Variants in RAB3GAP2 observed in about 807,000 individuals in gnomAD.
RAB3GAP2 encodes the protein RAB3 GTPase activating non-catalytic protein subunit 2, also known as rab3 GTPase-activating protein non-catalytic subunit.
RAB3GAP2 carries 87 observed loss-of-function variants against 185.3 expected under a neutral mutation model. The ratio of observed to expected loss-of-function variants is 0.47; its 90% CI spans 0.39 to 0.56. RAB3GAP2 has a LOEUF of 0.56. Among genes scored for constraint, RAB3GAP2 ranks in the 20% least tolerant of loss-of-function variants. The pLI, the probability that RAB3GAP2 is intolerant of heterozygous loss-of-function variation, is 0.00. For synonymous variants in RAB3GAP2, 554 were observed against 576.1 expected (o/e 0.96, Z 0.55); for missense variants, 1,492 against 1,638.2 (o/e 0.91, Z 1.54).
intron 26 of RAB3GAP2, 85 bp downstream of exon 26, chr1:220,167,207 TA>T: frequency 8.4e-7 from 1 of 1,184,058 alleles, no homozygotes; most frequent in Non-Finnish European, 1.2e-6. Flanking sequence ...GTGTTTATAA[TA>T]AGCTATTTAA....
intron 1 of RAB3GAP2, chr1:220,266,687 C>T: frequency 1.9e-6 from 3 of 1,553,654 alleles, no homozygotes; most frequent in Non-Finnish European, 2.7e-6. Context: ...TCAAGGATTT[C>T]TCCCCCTGCA....
chr1:220,177,258 A>T (rs1442514740), intron 21 of RAB3GAP2, among the ~76,000 whole-genome samples: 1 of 152,232 alleles, frequency 6.6e-6, no homozygotes, highest in Non-Finnish European at 1.5e-5. Flanking sequence ...GCTTAGAGTG[A>T]TGTCAAGTGT....
Position 220,203,510 on chromosome 1 carries a change from C to T in RAB3GAP2, c.713-1136G>A, listed in dbSNP as rs1254734900. Among the ~76,000 whole-genome samples the T allele has an allele frequency of 3.9e-5, 6 of 152,268 alleles. No individual in the cohort carries two copies. The East Asian group carries it at 1.2e-3, about 29-fold the overall frequency. On this transcript the variant is annotated intron_variant, in intron 8 of 34. Coordinates refer to ENST00000358951, the MANE Select transcript of RAB3GAP2 (RefSeq NM_012414.4). ...TTTATAGCAACTTACAACCCAAGGG[C>T]ACTAAGTGGCTTAATTCCTTACTTC...
chr1:220,256,149 C>A (rs2102527719), intron 1 of RAB3GAP2, among the ~76,000 whole-genome samples: 1 of 152,302 alleles, frequency 6.6e-6, no homozygotes, highest in South Asian at 2.1e-4. Context: ...TCATACCTGG[C>A]TAAGCTAAGC....
At chr1:220,212,818 C>G in intron 4 of RAB3GAP2, 69 bp downstream of exon 4, 1 of 1,265,142 alleles carries the variant, frequency 7.9e-7, no homozygotes, top group East Asian at 2.3e-5. Context: ...TTAATAGATT[C>G]ACCTACAAGT....
At chr1:220,256,550 CA>C (rs1660035013) in intron 1 of RAB3GAP2, among the ~76,000 whole-genome samples, 1 of 152,158 alleles carries the variant, frequency 6.6e-6, no homozygotes, top group South Asian at 2.1e-4. Context: ...GAAAATTTAC[CA>C]AGCAAATGGA....
chr1:220,249,739 T>C (rs1373044715), intron 1 of RAB3GAP2, among the ~76,000 whole-genome samples: 1 of 152,180 alleles, frequency 6.6e-6, no homozygotes, highest in East Asian at 1.9e-4. Context: ...TGTGCAGTCT[T>C]GGGACTTGAT....
At position 220,195,098 on chromosome 1, in the gene RAB3GAP2, T is replaced by C; in HGVS notation, c.1110A>G (p.Pro370=). The change falls in exon 12 of 35, where the codon CCA becomes CCG. Residue 370 remains proline (P), a synonymous_variant. Transcript: ENST00000358951. ...AVQKQKPKVE[P]ATPLAVRFGL... is the part of the protein sequence containing the mutation. ...CTTGCCTTACAGCTAATGGGGTAGC[T>C]GGCTCAACCTTCGGCTTTTGCTTTT... 6.2e-7 allele frequency: 1 copy of C among 1,614,164 alleles called. No individual in the cohort carries two copies.
At chr1:220,185,607 TTTGAG>T in intron 18 of RAB3GAP2, 39 bp downstream of exon 18, 3 of 1,449,434 alleles carry the variant, frequency 2.1e-6, no homozygotes, top group Non-Finnish European at 1.9e-6. Flanking sequence ...AGTTACAAAA[TTTGAG>T]TTAAGAACAT....
chr1:220,185,731 C>T lies in RAB3GAP2; in HGVS notation c.1790G>A (p.Ser597Asn). 1 of 1,611,000 alleles carries T rather than the reference C, an allele frequency of 6.2e-7. No homozygotes were observed. The highest frequency in any genetic ancestry group is 8.5e-7 in the Non-Finnish European group (1 of 1,177,612). The stretch of plus-strand genomic sequence containing the variant: ...TGGTAAACGTTCACTTGCCAAAATG[C>T]TTTCCAAAGCCTAGGAGAAAGATAT... ...YPATKKQALE[S>N]ILASERLPFS... Residue 597 changes from serine to asparagine, a missense_variant, in exon 18 of 35, where the codon AGC (serine) becomes AAC (asparagine). Coordinates refer to ENST00000358951, the MANE Select transcript of RAB3GAP2 (RefSeq NM_012414.4).
Position 220,189,673 on chromosome 1 carries a change from C to T in RAB3GAP2, c.1779+30G>A, listed in dbSNP as rs367900882. On this transcript the variant is annotated intron_variant, in intron 17 of 34. Transcript: ENST00000358951. ...AAGAAGGATGTATTATAGCTACTAG[C>T]AGGAAAGTTCGTGTATTATATACAC... 4 of 1,542,322 alleles carry T rather than the reference C, an allele frequency of 2.6e-6. No individual in the cohort carries two copies. In the African/African-American group the frequency reaches 5.5e-5, roughly 21 times the overall value.
At chr1:220,202,468 A>C in intron 8 of RAB3GAP2, 94 bp from the exon 9 acceptor site, 1 of 1,278,004 alleles carries the variant, frequency 7.8e-7, no homozygotes, top group East Asian at 2.4e-5. Flanking sequence ...GTTATTCTAA[A>C]ATTTCAGCTA....
At chr1:220,258,115 A>C (rs998404868) in intron 1 of RAB3GAP2, among the ~76,000 whole-genome samples, 3 of 152,160 alleles carry the variant, frequency 2.0e-5, no homozygotes, top group African/African-American at 7.2e-5. Flanking sequence ...AACCAAAAAG[A>C]AAGCCCAGGA....
chr1:220,167,533 T>C lies in RAB3GAP2; in HGVS notation c.2949A>G (p.Ser983=), dbSNP rs778469595. The C allele has an allele frequency of 1.2e-5, 19 of 1,614,072 alleles. No individual in the cohort carries two copies. The highest frequency in any genetic ancestry group is 1.7e-5 in the Admixed American group (1 of 60,004). Reference sequence around the variant, plus strand: ...TGGCTCCTAAGTCCATCTCCATCTCTGATACCTCAAGGAAACTTCTGTTAA... The same window carrying C: ...TGGCTCCTAAGTCCATCTCCATCTCCGATACCTCAAGGAAACTTCTGTTAA... ...EGVNRSFLEV[S]EMEMDLGAIP... is the part of the protein sequence containing the mutation. Residue 983 remains serine (S), a synonymous_variant, in exon 25 of 35, where the codon TCA becomes TCG. Coordinates refer to ENST00000358951, the MANE Select transcript of RAB3GAP2 (RefSeq NM_012414.4).
At chr1:220,156,147 C>A (rs1657853096) in intron 31 of RAB3GAP2, among the ~76,000 whole-genome samples, 1 of 152,070 alleles carries the variant, frequency 6.6e-6, no homozygotes, top group African/African-American at 2.4e-5. Context: ...GACAGGGTTT[C>A]ACCATGTTGG....
intron 2 of RAB3GAP2, among the ~76,000 whole-genome samples, chr1:220,232,270 T>G (rs1012309044): frequency 3.3e-5 from 5 of 152,198 alleles, no homozygotes; most frequent in African/African-American, 1.2e-4. Context: ...TAATCCCCAA[T>G]GCAACAGTGT....
chr1:220,208,086 T>C (rs544227305), intron 7 of RAB3GAP2: 1 of 152,328 alleles, frequency 6.6e-6, no homozygotes, highest in East Asian at 1.9e-4. Context: ...TCCTTCTTGA[T>C]AAAAATTTTG....
At chr1:220,153,864 T>C (rs1242289484) in intron 32 of RAB3GAP2, 104 bp downstream of exon 32, 15 of 1,520,270 alleles carry the variant, frequency 9.9e-6, no homozygotes, top group Non-Finnish European at 1.3e-5. Context: ...TGGTTTTCTG[T>C]CCTTGCGATA....
chr1:220,189,563 T>C, intron 17 of RAB3GAP2, 140 bp downstream of exon 17: 1 of 740,748 alleles, frequency 1.3e-6, no homozygotes, highest in Non-Finnish European at 1.9e-6. Context: ...TATCTGAAAA[T>C]AAAGAAAGGG....
Sources: allele counts gnomAD v4.1 joint callset (sites outside exome capture counted in the v4.1 genomes callset), GRCh38; gene constraint gnomAD v4.1.1; transcripts MANE v1.5; gene names NCBI Gene and HGNC (gene_info 2026-07-23, HGNC 2026-07-21).